XKR4: variants seen among roughly 807,000 people sequenced by gnomAD.
XKR4 encodes XK-related protein 4.
Under a neutral mutation model 53.9 loss-of-function variants are expected in XKR4, and 12 were observed. That is an observed-to-expected ratio of 0.22 (90% CI 0.14 to 0.36). XKR4 has a LOEUF of 0.36. Ranked by LOEUF, XKR4 falls within the 10% of genes least tolerant of loss-of-function variation. The pLI is 1.00. For synonymous variants in XKR4, 354 were observed against 362.4 expected (o/e 0.98, Z 0.26); for missense variants, 799 against 859.5 (o/e 0.93, Z 0.88).
intron 1 of XKR4, among the ~76,000 whole-genome samples, chr8:55,281,630 C>T (rs1326069354): frequency 1.3e-5 from 2 of 152,178 alleles, no homozygotes; most frequent in Non-Finnish European, 2.9e-5. Flanking sequence ...GAGAAAACTT[C>T]TTGTTGTAAC....
chr8:55,300,328 G>A (rs1563318981), intron 1 of XKR4, among the ~76,000 whole-genome samples: 1 of 152,174 alleles, frequency 6.6e-6, no homozygotes, highest in East Asian at 1.9e-4. Flanking sequence ...CTGAATCTGA[G>A]TGAAAATGAA....
At chr8:55,378,608 T>A (rs1046472759) in intron 2 of XKR4, among the ~76,000 whole-genome samples, 2 of 152,214 alleles carry the variant, frequency 1.3e-5, no homozygotes, top group South Asian at 4.1e-4. Flanking sequence ...ATTTAATTTC[T>A]TAAGTGGAAG....
At chr8:55,452,500 G>A (rs1195912756) in intron 2 of XKR4, 1 of 643,994 alleles carries the variant, frequency 1.6e-6, no homozygotes, top group Non-Finnish European at 2.8e-6. Context: ...AGGCCATCCA[G>A]CACACACTCC....
intron 2 of XKR4, among the ~76,000 whole-genome samples, chr8:55,515,657 C>T (rs1429852217): frequency 6.6e-6 from 1 of 152,174 alleles, no homozygotes; most frequent in East Asian, 1.9e-4. Flanking sequence ...TCAGAAAGTG[C>T]AAAGAGGAGA....
At chr8:55,297,095 G>A (rs920205526) in intron 1 of XKR4, among the ~76,000 whole-genome samples, 8 of 152,172 alleles carry the variant, frequency 5.3e-5, no homozygotes, top group African/African-American at 1.7e-4. Flanking sequence ...TTCCAGACAT[G>A]TAAGTAAATG....
At chr8:55,452,658 G>T in intron 2 of XKR4, 1 of 1,436,108 alleles carries the variant, frequency 7.0e-7, no homozygotes, top group African/African-American at 1.4e-5. Flanking sequence ...GTGGTCACTG[G>T]TGACCCCACT....
chr8:55,139,494 C>T (rs1816673245), intron 1 of XKR4, among the ~76,000 whole-genome samples: 1 of 129,668 alleles, frequency 7.7e-6, no homozygotes, highest in Admixed American at 8.6e-5. Context: ...GGCTGGGTGA[C>T]AGAGCAAGAC....
At chr8:55,184,846 A>AT (rs1191474321) in intron 1 of XKR4, among the ~76,000 whole-genome samples, 3 of 88,338 alleles carry the variant, frequency 3.4e-5, no homozygotes, top group Non-Finnish European at 7.6e-5. Flanking sequence ...GTGTAGATCT[A>AT]TTTTTTTCTT....
chr8:55,326,722 C>G (rs1017820161), intron 1 of XKR4, among the ~76,000 whole-genome samples: 1 of 151,872 alleles, frequency 6.6e-6, no homozygotes. Flanking sequence ...CTGCTCACCT[C>G]GGCCTCCCAA....
Position 55,102,833 on chromosome 8 carries a change from C to T in XKR4, c.345C>T (p.Ile115=), listed in dbSNP as rs752249026. 2.5e-6 allele frequency: 4 copies of T among 1,610,588 alleles called. No homozygotes were observed. The highest frequency in any genetic ancestry group is 3.4e-6 in the Non-Finnish European group (4 of 1,179,856). ...ACTCACTGTGGGACTGCCTCTGGAT[C>T]CTGGCCGCCGTGGCCGTGTACTTCG... ...RRYSLWDCLW[I]LAAVAVYFAD... The change falls in exon 1 of 3, where the codon ATC becomes ATT. Residue 115 remains isoleucine (I), a synonymous_variant. Coordinates refer to ENST00000327381, the MANE Select transcript of XKR4 (RefSeq NM_052898.2). This position sits in a 1 kb window ranked among gnomAD's most constrained non-coding sequence, Gnocchi z 5.1.
At chr8:55,114,787 C>T (rs919531248) in intron 1 of XKR4, among the ~76,000 whole-genome samples, 2 of 152,200 alleles carry the variant, frequency 1.3e-5, no homozygotes, top group Non-Finnish European at 2.9e-5. Flanking sequence ...ATCTGCTAAA[C>T]CACTGCCTGG....
chr8:55,247,859 T>TTTC (rs1320800980), intron 1 of XKR4, among the ~76,000 whole-genome samples: 13 of 44,436 alleles, frequency 2.9e-4, no homozygotes, highest in African/African-American at 5.2e-4. Flanking sequence ...TTCTTTCTTT[T>TTTC]TTTTTTTTTT....
chr8:55,280,962 T>C lies in XKR4; in HGVS notation c.807-76716T>C, dbSNP rs546281405. 8.5e-5 allele frequency among the ~76,000 whole-genome samples: 13 copies of C among 152,364 alleles called. No individual in the cohort carries two copies. The South Asian group carries it at 2.5e-3, about 29-fold the overall frequency. Reference sequence around the variant, plus strand: ...AGGTTGTTCGAAGAAGACTTTATTCTGTATCTGAACTAACAGTTTTGTTAA... The same window carrying C: ...AGGTTGTTCGAAGAAGACTTTATTCCGTATCTGAACTAACAGTTTTGTTAA... On this transcript the variant is annotated intron_variant, in intron 1 of 2. Transcript: ENST00000327381.
rs575237789 is a variant in XKR4, at chr8:55,516,650, G to A, written c.1007-6631G>A. On this transcript the variant is annotated intron_variant, in intron 2 of 2. Coordinates refer to ENST00000327381, the MANE Select transcript of XKR4 (RefSeq NM_052898.2). ...GATGTTGACAAGGATGTGGAGAAAA[G>A]GGAATGCTTATACACTGTTGGTGGG... Among the ~76,000 whole-genome samples the A allele has an allele frequency of 5.9e-4, 90 of 152,252 alleles. No individual in the cohort carries two copies. In the South Asian group the frequency reaches 0.018, roughly 30 times the overall value.
chr8:55,398,170 CCTCT>C (rs1045483917), intron 2 of XKR4, among the ~76,000 whole-genome samples: 4 of 152,122 alleles, frequency 2.6e-5, no homozygotes, highest in Admixed American at 6.5e-5. Context: ...TCAAAACCTC[CCTCT>C]ATCTCCAAAA....
At chr8:55,434,359 TTAATA>T (rs1805144510) in intron 2 of XKR4, among the ~76,000 whole-genome samples, 2 of 152,086 alleles carry the variant, frequency 1.3e-5, no homozygotes, top group Non-Finnish European at 2.9e-5. Flanking sequence ...ATGTAAAAAT[TTAATA>T]TGAGTTTGAA....
At position 55,524,170 on chromosome 8, in the gene XKR4, G is replaced by T; in HGVS notation, c.1896G>T (p.Leu632=). ...AATGTTCCCCATCTCCTCCAAGGCT[G>T]CAGTACAAAGATGATGCCCTTATTC... ...AFECSPSPPR[L]QYKDDALIQE... Residue 632 remains leucine (L), a synonymous_variant, in exon 3 of 3, where the codon CTG becomes CTT. Coordinates refer to ENST00000327381, the MANE Select transcript of XKR4 (RefSeq NM_052898.2). The T allele has an allele frequency of 6.2e-7, 1 of 1,614,210 alleles. No individual in the cohort carries two copies. The highest frequency in any genetic ancestry group is 8.5e-7 in the Non-Finnish European group (1 of 1,180,034).
At chr8:55,158,993 C>T (rs59544407) in intron 1 of XKR4, among the ~76,000 whole-genome samples, 49,729 of 151,944 alleles carry the variant, frequency 0.33, 8,896 homozygotes, top group African/African-American at 0.49. Context: ...GAATTTTAAA[C>T]GTTTTTTTCC....
At chr8:55,284,504 T>C (rs1361172090) in intron 1 of XKR4, among the ~76,000 whole-genome samples, 1 of 152,134 alleles carries the variant, frequency 6.6e-6, no homozygotes, top group African/African-American at 2.4e-5. Flanking sequence ...AAGCCTGGGT[T>C]CCATGCTGGC....
Sources: gnomAD v4.1 joint callset for allele counts (sites outside exome capture counted in the v4.1 genomes callset) on GRCh38, gnomAD v4.1.1 for gene constraint, Gnocchi (gnomAD v3.1) non-coding constraint, MANE v1.5 for transcripts, NCBI Gene and HGNC (gene_info 2026-07-23, HGNC 2026-07-21) for gene names.